The following TIAM1 variants were observed in gnomAD, a reference collection of about 807,000 sequenced individuals.
TIAM1 encodes the protein TIAM Rac1 associated GEF 1.
Under a neutral mutation model 163.5 loss-of-function variants are expected in TIAM1, and 65 were observed. The ratio of observed to expected loss-of-function variants is 0.40; its 90% CI spans 0.33 to 0.49. The LOEUF (loss-of-function observed/expected upper bound fraction) is 0.49, where lower values mean the gene tolerates loss of function less well. Ranked by LOEUF, TIAM1 falls within the 20% of genes least tolerant of loss-of-function variation. The pLI is 0.77. For missense variants in TIAM1, 1,789 were observed against 2,044.7 expected (o/e 0.87, Z 2.41); for synonymous variants, 833 against 810.1 (o/e 1.03, Z -0.48).
At chr21:31,445,190 G>A (rs2044577561) in intron 2 of TIAM1, among the ~76,000 whole-genome samples, 1 of 152,066 alleles carries the variant, frequency 6.6e-6, no homozygotes, top group Non-Finnish European at 1.5e-5. Context: ...ATGATGATGA[G>A]TGAATCTTGA....
At chr21:31,249,263 T>C (rs922132496) in intron 5 of TIAM1, among the ~76,000 whole-genome samples, 3 of 152,176 alleles carry the variant, frequency 2.0e-5, no homozygotes, top group Non-Finnish European at 4.4e-5. Flanking sequence ...GGGAAGACCA[T>C]GTGAAGACAT....
At chr21:31,518,312 A>C (rs1218053497) in intron 1 of TIAM1, among the ~76,000 whole-genome samples, 5 of 151,854 alleles carry the variant, frequency 3.3e-5, no homozygotes, top group Non-Finnish European at 4.4e-5. Context: ...TTTGAAATGA[A>C]GTTTCACTCT....
intron 24 of TIAM1, 76 bp downstream of exon 24, chr21:31,130,814 G>A: frequency 2.2e-6 from 3 of 1,393,230 alleles, no homozygotes; most frequent in Non-Finnish European, 3.0e-6. Flanking sequence ...TGACAAAATG[G>A]TAGAATTATG....
intron 1 of TIAM1, among the ~76,000 whole-genome samples, chr21:31,547,825 T>C (rs2048545553): frequency 6.6e-6 from 1 of 152,158 alleles, no homozygotes; most frequent in East Asian, 1.9e-4. Flanking sequence ...AGCAATATAT[T>C]AACCATAACA....
chr21:31,252,689 A>C (rs1319692467), intron 4 of TIAM1, among the ~76,000 whole-genome samples: 1 of 152,224 alleles, frequency 6.6e-6, no homozygotes, highest in African/African-American at 2.4e-5. Flanking sequence ...AGGCATGCTT[A>C]GGAGTCTCTT....
At chr21:31,431,649 C>T (rs2044032145) in intron 2 of TIAM1, among the ~76,000 whole-genome samples, 1 of 152,188 alleles carries the variant, frequency 6.6e-6, no homozygotes, top group Admixed American at 6.5e-5. Context: ...TGAGAAATGC[C>T]GTTAGGCAAT....
At chr21:31,394,708 GCTCT>G (rs954246497) in intron 2 of TIAM1, among the ~76,000 whole-genome samples, 83 of 105,308 alleles carry the variant, frequency 7.9e-4, no homozygotes, top group South Asian at 4.2e-3. Flanking sequence ...TCTCTCTCTC[GCTCT>G]CTCTCTCTCT....
chr21:31,368,373 A>T (rs1176490084), intron 2 of TIAM1, among the ~76,000 whole-genome samples: 1 of 152,198 alleles, frequency 6.6e-6, no homozygotes, highest in Non-Finnish European at 1.5e-5. Flanking sequence ...TCATTTCTGC[A>T]ATTTGTTACT....
At chr21:31,530,140 A>G (rs2047925780) in intron 1 of TIAM1, among the ~76,000 whole-genome samples, 2 of 152,216 alleles carry the variant, frequency 1.3e-5, no homozygotes, top group African/African-American at 2.4e-5. Flanking sequence ...CGTCAATGCC[A>G]TCTCCCAGGG....
chr21:31,181,536 G>A (rs761924658), intron 15 of TIAM1, among the ~76,000 whole-genome samples: 4 of 151,846 alleles, frequency 2.6e-5, no homozygotes, highest in Non-Finnish European at 2.9e-5. Flanking sequence ...TGAAGCGCTC[G>A]GGTTCAGTCT....
intron 8 of TIAM1, 83 bp downstream of exon 8, chr21:31,223,323 C>T: frequency 1.4e-6 from 2 of 1,447,458 alleles, no homozygotes; most frequent in Non-Finnish European, 9.3e-7. Context: ...GCTCGAAAAA[C>T]ACTTAGGAGA....
intron 1 of TIAM1, among the ~76,000 whole-genome samples, chr21:31,474,843 C>G (rs190833973): frequency 2.0e-3 from 298 of 151,700 alleles, no homozygotes; most frequent in African/African-American, 6.6e-3. Context: ...CCCAGCCAAC[C>G]TTTAGCCTTT....
chr21:31,375,663 CA>C (rs1249117255), intron 2 of TIAM1, among the ~76,000 whole-genome samples: 2 of 151,974 alleles, frequency 1.3e-5, no homozygotes, highest in African/African-American at 2.4e-5. Flanking sequence ...CCTGTGCCAC[CA>C]AAAAAACCCA....
At chr21:31,371,968 T>C (rs938089419) in intron 2 of TIAM1, among the ~76,000 whole-genome samples, 4 of 152,196 alleles carry the variant, frequency 2.6e-5, no homozygotes, top group African/African-American at 7.2e-5. Flanking sequence ...ACTCACCCAG[T>C]TAACAATAGA....
At chr21:31,487,032 G>T (rs957890529) in intron 1 of TIAM1, among the ~76,000 whole-genome samples, 2 of 152,198 alleles carry the variant, frequency 1.3e-5, no homozygotes, top group African/African-American at 4.8e-5. Flanking sequence ...GCTGGGAAAG[G>T]AGGCACTGGA....
At chr21:31,326,101 C>G (rs2075479354) in intron 2 of TIAM1, among the ~76,000 whole-genome samples, 1 of 152,190 alleles carries the variant, frequency 6.6e-6, no homozygotes, top group African/African-American at 2.4e-5. Context: ...CATCTGAACA[C>G]CCTGACCCCA....
chr21:31,120,512 A>T lies in TIAM1; in HGVS notation c.4632T>A (p.Asp1544Glu). The change falls in exon 28 of 28, where the codon GAT becomes GAA. Residue 1544 changes from aspartate to glutamate, a missense_variant. Around this residue, in one of 5 missense-constraint regions of TIAM1, gnomAD observed 415 missense variants for 439.2 expected, o/e 0.94. Coordinates refer to ENST00000541036, the MANE Select transcript of TIAM1 (RefSeq NM_001353694.2). The surrounding 1 kb of genome is among the most constrained non-coding windows in gnomAD (Gnocchi z 4.2). Reference protein sequence around the residue: ...SQRERGRKTLDSHASRMAQLK... With the variant: ...SQRERGRKTLESHASRMAQLK... ...GCTGTGCCATGCGGGACGCGTGACT[A>T]TCCAGGGTTTTCCGGCCTCTTTCCC... 6.2e-7 allele frequency: 1 copy of T among 1,614,148 alleles called. No homozygotes were observed. Among genetic ancestry groups the T allele is most frequent in the Non-Finnish European group, 8.5e-7 (1 of 1,180,032 alleles).
chr21:31,279,523 C>T lies in TIAM1; in HGVS notation c.-188-2615G>A, dbSNP rs116108571. On this transcript the variant is annotated intron_variant, in intron 2 of 27. Coordinates refer to ENST00000541036, the MANE Select transcript of TIAM1 (RefSeq NM_001353694.2). Reference sequence around the variant, plus strand: ...AGTGTTGGGAGTCCAAGCTGGGAGTCGGGCTGCACGCATCCGGTCATATCT... The same window carrying T: ...AGTGTTGGGAGTCCAAGCTGGGAGTTGGGCTGCACGCATCCGGTCATATCT... Among the ~76,000 whole-genome samples the T allele has an allele frequency of 1.5e-3, 232 of 152,286 alleles. 1 individual carries two copies. Among genetic ancestry groups the T allele is most frequent in the African/African-American group, 5.4e-3 (223 of 41,558 alleles).
rs1176088389 is a variant in TIAM1, at chr21:31,154,435, C to T, written c.2992-9G>A. 1.2e-6 allele frequency: 2 copies of T among 1,610,432 alleles called. No homozygotes were observed. The highest frequency in any genetic ancestry group is 1.7e-6 in the Non-Finnish European group (2 of 1,177,380). On this transcript the variant is annotated splice_polypyrimidine_tract_variant and intron_variant, in intron 16 of 27. Transcript: ENST00000541036. ...GCCACCTGTTCTGTACTCTTCGGAG[C>T]ACAGGGGGGAAGGGAAGGCAGAGGT... is the stretch of plus-strand genomic sequence containing the variant.
Sources: allele counts gnomAD v4.1 joint callset (sites outside exome capture counted in the v4.1 genomes callset), GRCh38; gene constraint gnomAD v4.1.1; regional missense constraint gnomAD v4.1.1; non-coding constraint Gnocchi (gnomAD v3.1); transcripts MANE v1.5; gene names NCBI Gene and HGNC (gene_info 2026-07-23, HGNC 2026-07-21).